Variants in ASTN2 observed in about 807,000 individuals in gnomAD.
ASTN2 encodes the protein astrotactin 2.
In ASTN2, 54 loss-of-function variants were observed where a neutral mutation model predicts 139.8. The ratio of observed to expected loss-of-function variants is 0.39; its 90% CI spans 0.31 to 0.48. ASTN2 has a LOEUF of 0.48. ASTN2 is among the 20% of genes least tolerant of loss of function. ASTN2 has a pLI of 0.95. For missense variants in ASTN2, 1,565 were observed against 1,725.1 expected, an observed-to-expected ratio of 0.91 and a Z score of 1.64; for synonymous variants, 756 against 719.5, an observed-to-expected ratio of 1.05 and a Z score of -0.81.
chr9:116,681,851 T>C (rs1002763380), intron 16 of ASTN2, among the ~76,000 whole-genome samples: 72 of 151,254 alleles, frequency 4.8e-4, no homozygotes, highest in African/African-American at 1.7e-3. Context: ...GATCCCTTCC[T>C]TACACCTTAT....
intron 13 of ASTN2, among the ~76,000 whole-genome samples, chr9:116,781,136 A>G (rs1423240217): frequency 2.6e-5 from 4 of 152,124 alleles, no homozygotes; most frequent in Non-Finnish European, 4.4e-5. Flanking sequence ...CTGCCTGGCC[A>G]TGTCAAATTC....
rs1055156947 is a variant in ASTN2, at chr9:117,406,892, ACACACAC to A, written c.442+7598_442+7604del. Among the ~76,000 whole-genome samples the A allele has an allele frequency of 1.8e-3, 256 of 141,964 alleles. 3 individuals are homozygous for A. Among genetic ancestry groups the A allele is most frequent in the East Asian group, 2.7e-3 (14 of 5,122 alleles). The allele number at this position is 141,964 out of a possible 152,430, so 93.1% of individuals were successfully genotyped here. ...CACACACACACACACACACACACAC[ACACACAC>A]AACACAGAGGGATAAAAGCTCTCTG... On this transcript the variant is annotated intron_variant, in intron 1 of 22. Coordinates refer to ENST00000313400, the MANE Select transcript of ASTN2 (RefSeq NM_001365068.1).
intron 20 of ASTN2, among the ~76,000 whole-genome samples, chr9:116,454,906 G>A (rs1313848449): frequency 6.6e-6 from 1 of 152,160 alleles, no homozygotes; most frequent in African/African-American, 2.4e-5. Flanking sequence ...GGGGAAGAGG[G>A]AGGGATAGCA....
At chr9:117,142,681 G>C (rs893189752) in intron 3 of ASTN2, among the ~76,000 whole-genome samples, 2 of 152,130 alleles carry the variant, frequency 1.3e-5, no homozygotes, top group Non-Finnish European at 2.9e-5. Context: ...GAGAGAAAAA[G>C]TTGGAAGATA....
chr9:117,091,247 G>C (rs1587952908), intron 5 of ASTN2, among the ~76,000 whole-genome samples: 1 of 152,198 alleles, frequency 6.6e-6, no homozygotes, highest in Admixed American at 6.5e-5. Context: ...CACTGTGCAG[G>C]TGTTTCTTTC....
At position 116,487,275 on chromosome 9, in the gene ASTN2, T is replaced by C. The variant is rs192865557; in HGVS notation, c.3497+84A>G. On this transcript the variant is annotated intron_variant, in intron 20 of 22. Coordinates refer to ENST00000313400, the MANE Select transcript of ASTN2 (RefSeq NM_001365068.1). ...TAGCTAATAAAACATTTGGCTGGCCTGCACAGAATAACTCATGCCATTCCT... is the reference window on the plus strand; with the variant it reads ...TAGCTAATAAAACATTTGGCTGGCCCGCACAGAATAACTCATGCCATTCCT... 5.9e-6 allele frequency: 9 copies of C among 1,537,592 alleles called. No individual in the cohort carries two copies. The South Asian group carries it at 9.9e-5, about 17-fold the overall frequency.
intron 1 of ASTN2, among the ~76,000 whole-genome samples, chr9:117,399,845 G>A (rs1830776550): frequency 1.3e-5 from 2 of 152,200 alleles, no homozygotes; most frequent in Admixed American, 1.3e-4. Flanking sequence ...CCAATTGACT[G>A]GAAGTGATTG....
chr9:116,720,579 T>TCG (rs397741784), intron 16 of ASTN2, among the ~76,000 whole-genome samples: 1 of 151,630 alleles, frequency 6.6e-6, no homozygotes, highest in South Asian at 2.1e-4. Context: ...TCTCTCTCTC[T>TCG]GCCTTTCTTT....
In ASTN2 at chr9:116,626,918, C is replaced by G. The variant is rs180900863; in HGVS notation, c.3073-6475G>C. Among the ~76,000 whole-genome samples, 359 of 152,330 alleles carry G rather than the reference C, an allele frequency of 2.4e-3. 1 individual carries two copies. Among genetic ancestry groups the G allele is most frequent in the African/African-American group, 8.1e-3 (336 of 41,568 alleles). On this transcript the variant is annotated intron_variant, in intron 17 of 22. Coordinates refer to ENST00000313400, the MANE Select transcript of ASTN2 (RefSeq NM_001365068.1). ...TCTGGATAGGATCTACCTGGGCCAT[C>G]TGCCATCCGTCATCAGCATATCTCC...
intron 2 of ASTN2, among the ~76,000 whole-genome samples, chr9:117,256,321 G>T (rs1363087114): frequency 6.6e-6 from 1 of 152,192 alleles, no homozygotes; most frequent in Non-Finnish European, 1.5e-5. Flanking sequence ...TGGGGCATCT[G>T]CAGCTGGTGC....
At chr9:116,587,343 AT>A (rs35317749) in intron 19 of ASTN2, among the ~76,000 whole-genome samples, 26,670 of 106,342 alleles carry the variant, frequency 0.25, 4,406 homozygotes, top group African/African-American at 0.45. Flanking sequence ...CCCATCTCAA[AT>A]TTAAAAAAAA....
In ASTN2 at chr9:117,140,749, T is replaced by C. The variant is rs144357547; in HGVS notation, c.1168+577A>G. ...AAGAAAATATCTGCTTTTTAATAAA[T>C]GCTGGGTTAGGCACTGTGCTGAGTT... is the stretch of plus-strand genomic sequence containing the variant. On this transcript the variant is annotated intron_variant, in intron 4 of 22. Transcript: ENST00000313400. Among the ~76,000 whole-genome samples, 9 of 152,206 alleles carry C rather than the reference T, an allele frequency of 5.9e-5. 1 individual carries two copies. In the East Asian group the frequency reaches 1.7e-3, roughly 29 times the overall value.
intron 3 of ASTN2, among the ~76,000 whole-genome samples, chr9:117,156,536 C>G (rs1186596987): frequency 6.6e-6 from 1 of 151,982 alleles, no homozygotes; most frequent in Non-Finnish European, 1.5e-5. Flanking sequence ...TGAAGAGTGT[C>G]TCTAGATACT....
At chr9:116,775,418 G>A (rs937816207) in intron 13 of ASTN2, among the ~76,000 whole-genome samples, 17 of 148,492 alleles carry the variant, frequency 1.1e-4, no homozygotes, top group African/African-American at 4.2e-4. Context: ...GAAGAAAGGA[G>A]AGAGGGAGAG....
At chr9:117,403,639 T>C (rs1433498501) in intron 1 of ASTN2, among the ~76,000 whole-genome samples, 1 of 152,088 alleles carries the variant, frequency 6.6e-6, no homozygotes, top group Non-Finnish European at 1.5e-5. Context: ...ATTCTGCTAA[T>C]GGAAATGTTC....
Position 116,905,998 on chromosome 9 carries a change from C to T in ASTN2, c.1890-42265G>A, listed in dbSNP as rs373407052. Among the ~76,000 whole-genome samples the T allele has an allele frequency of 8.5e-5, 13 of 152,214 alleles. 1 individual carries two copies. The highest frequency in any genetic ancestry group is 3.1e-4 in the African/African-American group (13 of 41,530). On this transcript the variant is annotated intron_variant, in intron 10 of 22. Coordinates refer to ENST00000313400, the MANE Select transcript of ASTN2 (RefSeq NM_001365068.1). ...TTTTCCCCTTTGCACTTGTGCCCTT[C>T]ACAGCCTTGGAGAAGCAGCAGGTTC...
At chr9:117,135,586 T>G (rs544842825) in intron 4 of ASTN2, among the ~76,000 whole-genome samples, 1 of 152,310 alleles carries the variant, frequency 6.6e-6, no homozygotes, top group Non-Finnish European at 1.5e-5. Context: ...AATCACTGTT[T>G]TTTCCATCAT....
intron 10 of ASTN2, among the ~76,000 whole-genome samples, chr9:116,972,207 T>C (rs1223087686): frequency 1.2e-4 from 1 of 8,174 alleles, no homozygotes; most frequent in Non-Finnish European, 6.8e-3. Context: ...TTAATGAAAC[T>C]AGTTTTTTTT....
chr9:117,148,082 A>G (rs1472505157), intron 3 of ASTN2, among the ~76,000 whole-genome samples: 1 of 152,214 alleles, frequency 6.6e-6, no homozygotes, highest in Non-Finnish European at 1.5e-5. Flanking sequence ...ACTGTCCACC[A>G]TGGAGGTTCC....
Sources: gnomAD v4.1 joint callset for allele counts (sites outside exome capture counted in the v4.1 genomes callset) on GRCh38, gnomAD v4.1.1 for gene constraint, MANE v1.5 for transcripts, NCBI Gene and HGNC (gene_info 2026-07-23, HGNC 2026-07-21) for gene names.